Variants in AGO2 observed in about 807,000 individuals in gnomAD.
AGO2 encodes the protein argonaute RISC catalytic component 2.
Under a neutral mutation model 102.3 loss-of-function variants are expected in AGO2, and 5 were observed. That is an observed-to-expected ratio of 0.05 (90% CI 0.03 to 0.10). The LOEUF is 0.10. AGO2 is among the 10% of genes least tolerant of loss of function. The probability of loss-of-function intolerance (pLI) is 1.00; values close to 1 mark genes in which losing one functional copy is unlikely to be tolerated. For synonymous variants in AGO2, 449 were observed against 473.1 expected (o/e 0.95, Z 0.66); for missense variants, 541 against 1,183.7 (o/e 0.46, Z 7.97).
chr8:140,571,255 T>C (rs2073374210), intron 3 of AGO2, among the ~76,000 whole-genome samples: 1 of 152,170 alleles, frequency 6.6e-6, no homozygotes, highest in Non-Finnish European at 1.5e-5. Context: ...CACAGCACGT[T>C]CTCCCTTTGT....
At position 140,609,532 on chromosome 8, in the gene AGO2, T is replaced by C. The variant is rs991217892; in HGVS notation, c.23-24221A>G. Among the ~76,000 whole-genome samples the C allele has an allele frequency of 2.6e-5, 4 of 152,204 alleles. No homozygotes were observed. In the East Asian group the frequency reaches 5.8e-4, roughly 22 times the overall value. ...GCCTCGTCATCAATTCTTCCTCTGC[T>C]ACAGCTGCGGCCTCACTCCCTCAGG... On this transcript the variant is annotated intron_variant, in intron 1 of 18. Coordinates refer to ENST00000220592, the MANE Select transcript of AGO2 (RefSeq NM_012154.5).
intron 2 of AGO2, among the ~76,000 whole-genome samples, chr8:140,581,459 C>T (rs575488299): frequency 1.4e-3 from 211 of 152,172 alleles, no homozygotes; most frequent in Non-Finnish European, 2.5e-3. Context: ...GTGAAGGTTG[C>T]AGTGAGCCCA....
At chr8:140,585,024 A>C in intron 2 of AGO2, 95 bp downstream of exon 2, 1 of 1,276,728 alleles carries the variant, frequency 7.8e-7, no homozygotes, top group Admixed American at 2.5e-5. Flanking sequence ...AAAAACCCAG[A>C]TGGATCTGCT....
intron 3 of AGO2, among the ~76,000 whole-genome samples, chr8:140,564,782 A>C (rs1446446275): frequency 6.6e-6 from 1 of 152,026 alleles, no homozygotes; most frequent in Non-Finnish European, 1.5e-5. Flanking sequence ...ATCTCTACTA[A>C]AAATACAAAA....
At chr8:140,560,135 TCAGCCCCTGACCA>T (rs1293747404) in intron 5 of AGO2, among the ~76,000 whole-genome samples, 1 of 152,198 alleles carries the variant, frequency 6.6e-6, no homozygotes, top group African/African-American at 2.4e-5. Context: ...CAGGCCCGCC[TCAGCCCCTGACCA>T]CAGCCTCTGA....
At position 140,556,335 on chromosome 8, in the gene AGO2, C is replaced by A. The variant is rs372969029; in HGVS notation, c.1027-49G>T. The A allele has an allele frequency of 3.1e-4, 501 of 1,603,018 alleles. No homozygotes were observed. The African/African-American group carries it at 5.9e-3, about 19-fold the overall frequency. ...GCCGTCAGTGCCGCACTGGAGTGAC[C>A]AGGGGAGCAGGCAGGGGGCTCAGGG... On this transcript the variant is annotated intron_variant, in intron 8 of 18. Coordinates refer to ENST00000220592, the MANE Select transcript of AGO2 (RefSeq NM_012154.5).
intron 2 of AGO2, among the ~76,000 whole-genome samples, chr8:140,577,560 G>A (rs1355782785): frequency 6.6e-6 from 1 of 152,234 alleles, no homozygotes; most frequent in African/African-American, 2.4e-5. Flanking sequence ...TAAAATAGAA[G>A]TAGAAATCTG....
intron 4 of AGO2, among the ~76,000 whole-genome samples, chr8:140,562,210 G>A (rs2292775): frequency 0.13 from 19,329 of 152,270 alleles, 2,301 homozygotes; most frequent in African/African-American, 0.32. Context: ...GAAGGCACCA[G>A]CGTGCACACA....
At chr8:140,624,216 C>T (rs1878477) in intron 1 of AGO2, among the ~76,000 whole-genome samples, 24,593 of 152,118 alleles carry the variant, frequency 0.16, 2,500 homozygotes, top group Admixed American at 0.31. Flanking sequence ...CCGGCTCTGC[C>T]CCCTCTGGAG....
intron 1 of AGO2, among the ~76,000 whole-genome samples, chr8:140,618,512 A>C (rs964276609): frequency 4.0e-5 from 6 of 151,606 alleles, no homozygotes; most frequent in Non-Finnish European, 4.4e-5. Flanking sequence ...GTAAATATAC[A>C]AATATGCTTC....
intron 2 of AGO2, among the ~76,000 whole-genome samples, chr8:140,579,990 G>A (rs1439469243): frequency 8.7e-6 from 1 of 115,244 alleles, no homozygotes; most frequent in Non-Finnish European, 1.9e-5. Context: ...AAGAGGGGCA[G>A]GGGAAGGGAG....
chr8:140,567,314 C>T lies in AGO2; in HGVS notation c.337-4680G>A, dbSNP rs553304899. On this transcript the variant is annotated intron_variant, in intron 3 of 18. Coordinates refer to ENST00000220592, the MANE Select transcript of AGO2 (RefSeq NM_012154.5). This position sits in a 1 kb window ranked among gnomAD's most constrained non-coding sequence, Gnocchi z 5.0. ...AGATTTTACGACGGCCATCACGCCA[C>T]GAGGGCAGGAGGCACATGGCTCTCC... Among the ~76,000 whole-genome samples the T allele has an allele frequency of 7.9e-5, 12 of 152,246 alleles. No individual in the cohort carries two copies. Among genetic ancestry groups the T allele is most frequent in the Non-Finnish European group, 1.8e-4 (12 of 68,034 alleles).
intron 1 of AGO2, among the ~76,000 whole-genome samples, chr8:140,613,845 G>A (rs34869913): frequency 3.0e-5 from 4 of 134,180 alleles, no homozygotes; most frequent in Non-Finnish European, 3.3e-5. Context: ...GAGAGACCTC[G>A]TCTCCACAAC....
chr8:140,600,471 G>A (rs567246598), intron 1 of AGO2, among the ~76,000 whole-genome samples: 3 of 152,224 alleles, frequency 2.0e-5, no homozygotes, highest in Admixed American at 6.5e-5. Flanking sequence ...ACCTGAGGTC[G>A]GGAGTTCGAG....
At chr8:140,639,944 G>T (rs1166848106), upstream of AGO2, among the ~76,000 whole-genome samples, 1 of 152,156 alleles carries the variant, frequency 6.6e-6, no homozygotes, top group African/African-American at 2.4e-5. Context: ...TGCTTCTTCA[G>T]GTAACCATCT....
chr8:140,550,991 C>T (rs2094686487), intron 11 of AGO2, among the ~76,000 whole-genome samples: 1 of 152,186 alleles, frequency 6.6e-6, no homozygotes. Flanking sequence ...TTCATTGAAT[C>T]CAATTCTCTC....
intron 17 of AGO2, 66 bp downstream of exon 17, chr8:140,535,402 T>C: frequency 6.5e-7 from 1 of 1,528,718 alleles, no homozygotes; most frequent in African/African-American, 1.4e-5. Flanking sequence ...GTGCAAGTGT[T>C]TGCTGAATGT....
intron 14 of AGO2, among the ~76,000 whole-genome samples, chr8:140,542,667 G>C (rs1026233984): frequency 5.3e-5 from 8 of 152,228 alleles, no homozygotes; most frequent in African/African-American, 1.9e-4. Context: ...AAGCTAACGG[G>C]GACCAGGTGA....
intron 1 of AGO2, among the ~76,000 whole-genome samples, chr8:140,595,208 G>A (rs2133037916): frequency 6.6e-6 from 1 of 152,294 alleles, no homozygotes; most frequent in South Asian, 2.1e-4. Flanking sequence ...TGTGAGGACA[G>A]TTCAGTGACA....
Sources: gnomAD v4.1 joint callset for allele counts (sites outside exome capture counted in the v4.1 genomes callset) on GRCh38, gnomAD v4.1.1 for gene constraint, Gnocchi (gnomAD v3.1) non-coding constraint, MANE v1.5 for transcripts, NCBI Gene and HGNC (gene_info 2026-07-23, HGNC 2026-07-21) for gene names.